The following ZFP90 variants were observed in gnomAD, a reference collection of about 807,000 sequenced individuals.
The protein encoded by ZFP90 is ZFP90 zinc finger protein, also known as zinc finger protein 90 homolog.
ZFP90 carries 38 observed loss-of-function variants against 60.8 expected under a neutral mutation model. The observed-to-expected ratio is 0.62, with a 90% CI of 0.48 to 0.82. The LOEUF is 0.82. ZFP90 is among the 40% of genes least tolerant of loss of function. The pLI, the probability that ZFP90 is intolerant of heterozygous loss-of-function variation, is 0.00. For missense variants in ZFP90, 711 were observed against 759.1 expected (o/e 0.94, Z 0.74); for synonymous variants, 287 against 264.8 (o/e 1.08, Z -0.82).
chr16:68,551,450 C>G (rs2091260702), intron 2 of ZFP90, among the ~76,000 whole-genome samples: 1 of 114,520 alleles, frequency 8.7e-6, no homozygotes, highest in Non-Finnish European at 1.7e-5. Flanking sequence ...GAGACGGAAT[C>G]TTGCTCTGTT....
chr16:68,565,057 A>G lies in ZFP90; in HGVS notation c.*359A>G, dbSNP rs2091504046. ...AAAGCAAATTCCTGCAGTAATGACC[A>G]AAACCCATTTTAAAAATTGCTTGAC... On this transcript the variant is annotated 3_prime_UTR_variant, in exon 5 of 5. Coordinates refer to ENST00000563169, the MANE Select transcript of ZFP90 (RefSeq NM_001305203.2). The G allele has an allele frequency of 9.9e-7, 1 of 1,006,594 alleles. No homozygotes were observed. The highest frequency in any genetic ancestry group is 5.6e-5 in the Admixed American group (1 of 17,848). 62.4% of individuals were successfully genotyped at this position (1,006,594 alleles called of 1,614,324 possible). A position where few individuals can be genotyped will look rare whatever the true frequency, so the allele number is the denominator to read the frequency against.
chr16:68,562,773 C>A, intron 4 of ZFP90: 1 of 639,450 alleles, frequency 1.6e-6, no homozygotes, highest in African/African-American at 1.8e-5. Flanking sequence ...CTGTGCCTAA[C>A]ACAGTCCTGC....
At chr16:68,561,114 CG>C (rs1341209911) in intron 4 of ZFP90, among the ~76,000 whole-genome samples, 1 of 152,028 alleles carries the variant, frequency 6.6e-6, no homozygotes, top group Non-Finnish European at 1.5e-5. Flanking sequence ...AGGCTGGTTG[CG>C]AACTCCTGAG....
Position 68,566,376 on chromosome 16 carries a change from C to G in ZFP90, c.*1678C>G, listed in dbSNP as rs935564326. The G allele has an allele frequency of 1.0e-6, 1 of 985,528 alleles. No individual in the cohort carries two copies. Among genetic ancestry groups the G allele is most frequent in the African/African-American group, 1.7e-5 (1 of 57,354 alleles). The allele number at this position is 985,528 out of a possible 1,614,324, so 61.0% of individuals were successfully genotyped here. Reference sequence around the variant, plus strand: ...CCAGCCCTAAATATGAATCATGGGGCAAGATATTGGTCGTATTGATGGTGA... The same window carrying G: ...CCAGCCCTAAATATGAATCATGGGGGAAGATATTGGTCGTATTGATGGTGA... On this transcript the variant is annotated 3_prime_UTR_variant, in exon 5 of 5. Transcript: ENST00000563169.
downstream of ZFP90, among the ~76,000 whole-genome samples, chr16:68,567,366 C>G (rs2091543341): frequency 6.6e-6 from 1 of 152,166 alleles, no homozygotes; most frequent in South Asian, 2.1e-4. Flanking sequence ...CCAGCATTTT[C>G]CCCCTTTTCC....
intron 2 of ZFP90, 108 bp downstream of exon 2, chr16:68,539,933 G>A: frequency 1.4e-6 from 2 of 1,456,072 alleles, no homozygotes; most frequent in Non-Finnish European, 1.8e-6. Context: ...TCCCTTACTT[G>A]CTTGGCTCGA....
At chr16:68,574,768 T>TA (rs1200017913) in intron 2 of ZFP90, among the ~76,000 whole-genome samples, 2 of 151,388 alleles carry the variant, frequency 1.3e-5, no homozygotes, top group Admixed American at 1.3e-4. Context: ...CTAAAAAAAA[T>TA]ACAAAAATTA....
At chr16:68,548,983 C>T (rs759612303) in intron 2 of ZFP90, among the ~76,000 whole-genome samples, 12 of 151,834 alleles carry the variant, frequency 7.9e-5, no homozygotes, top group African/African-American at 1.9e-4. Flanking sequence ...TTTTAATCCT[C>T]GAAACAACTC....
chr16:68,568,126 GGTTTTCTTTTTCC>G (rs2091548178), downstream of ZFP90, among the ~76,000 whole-genome samples: 1 of 152,086 alleles, frequency 6.6e-6, no homozygotes, highest in African/African-American at 2.4e-5. Context: ...GTGATTATTT[GGTTTTCTTTTTCC>G]TACACTAGAT....
chr16:68,566,750 G>T lies in ZFP90; in HGVS notation c.*2052G>T, dbSNP rs2091534259. 1.0e-6 allele frequency: 1 copy of T among 985,598 alleles called. No homozygotes were observed. Among genetic ancestry groups the T allele is most frequent in the South Asian group, 4.7e-5 (1 of 21,284 alleles). 61.1% of individuals were successfully genotyped at this position (985,598 alleles called of 1,614,324 possible). On this transcript the variant is annotated 3_prime_UTR_variant, in exon 5 of 5. Transcript: ENST00000563169. ...ACCCTCCCTACTGATTGGCTAGGAT[G>T]CCTGTCAGGAACTCATTATGCTACT...
chr16:68,568,887 C>A (rs1325662892), downstream of ZFP90, among the ~76,000 whole-genome samples: 1 of 152,136 alleles, frequency 6.6e-6, no homozygotes, highest in African/African-American at 2.4e-5. Flanking sequence ...CTATGTTGGC[C>A]AGGCTGGTTT....
At chr16:68,543,209 T>TCA (rs1316862209) in intron 2 of ZFP90, among the ~76,000 whole-genome samples, 1 of 152,138 alleles carries the variant, frequency 6.6e-6, no homozygotes, top group African/African-American at 2.4e-5. Flanking sequence ...TCTGGTGTAT[T>TCA]CAAGGAGCAG....
At chr16:68,542,814 C>T (rs538203938) in intron 2 of ZFP90, among the ~76,000 whole-genome samples, 6 of 152,168 alleles carry the variant, frequency 3.9e-5, no homozygotes, top group African/African-American at 9.7e-5. Context: ...TCTACTCATT[C>T]ACCAGGTAGT....
chr16:68,533,589 T>C (rs978001387), intron 1 of ZFP90: 1 of 152,228 alleles, frequency 6.6e-6, no homozygotes, highest in African/African-American at 2.4e-5. Context: ...CTGTTTTTTG[T>C]TTTTCCAAAA....
At position 68,559,660 on chromosome 16, in the gene ZFP90, C is replaced by T. The variant is rs369059415; in HGVS notation, c.256+1092C>T. ...TCGGCTCACTGCAGTCTCTGCCTCC[C>T]GGGCTCAAGCAATCCTCCCACCTCA... On this transcript the variant is annotated intron_variant, in intron 4 of 4. Coordinates refer to ENST00000563169, the MANE Select transcript of ZFP90 (RefSeq NM_001305203.2). Among the ~76,000 whole-genome samples the T allele has an allele frequency of 1.4e-4, 21 of 150,828 alleles. 1 individual carries two copies. The South Asian group carries it at 2.7e-3, about 20-fold the overall frequency.
downstream of ZFP90, among the ~76,000 whole-genome samples, chr16:68,570,269 A>C (rs1033972090): frequency 2.0e-5 from 3 of 152,098 alleles, no homozygotes; most frequent in East Asian, 1.9e-4. Flanking sequence ...GGTCTTTTTC[A>C]GTCCTATTGA....
intron 2 of ZFP90, among the ~76,000 whole-genome samples, chr16:68,552,031 A>G (rs2091270896): frequency 6.6e-6 from 1 of 151,898 alleles, no homozygotes; most frequent in Non-Finnish European, 1.5e-5. Flanking sequence ...AAGTGCTGGG[A>G]TTACAGGCAT....
At chr16:68,554,411 G>A (rs1284090721) in intron 2 of ZFP90, among the ~76,000 whole-genome samples, 2 of 152,104 alleles carry the variant, frequency 1.3e-5, no homozygotes, top group Non-Finnish European at 2.9e-5. Flanking sequence ...TAAAGTGCTG[G>A]GATTACAGGC....
Position 68,565,963 on chromosome 16 carries a change from A to T in ZFP90, c.*1265A>T. The stretch of plus-strand genomic sequence containing the variant: ...AACATGGTGAAACCCCATCTCTTTA[A>T]AAAAAAAAAAAAATCCAAAAATTAG... On this transcript the variant is annotated 3_prime_UTR_variant, in exon 5 of 5. Coordinates refer to ENST00000563169, the MANE Select transcript of ZFP90 (RefSeq NM_001305203.2). The T allele has an allele frequency of 3.2e-6, 2 of 622,258 alleles. No homozygotes were observed. Among genetic ancestry groups the T allele is most frequent in the Non-Finnish European group, 3.8e-6 (2 of 522,070 alleles). 38.5% of individuals were successfully genotyped at this position (622,258 alleles called of 1,614,324 possible).
Sources: gnomAD v4.1 joint callset for allele counts (sites outside exome capture counted in the v4.1 genomes callset) on GRCh38, gnomAD v4.1.1 for gene constraint, MANE v1.5 for transcripts, NCBI Gene and HGNC (gene_info 2026-07-23, HGNC 2026-07-21) for gene names.